IRF6: variants seen among roughly 807,000 people sequenced by gnomAD.
IRF6 encodes interferon regulatory factor 6, also known as Van der Woude syndrome.
In IRF6, 6 loss-of-function variants were observed where a neutral mutation model predicts 51.4. That is an observed-to-expected ratio of 0.12 (90% CI 0.06 to 0.23). IRF6 has a LOEUF of 0.23. IRF6 is among the 10% of genes least tolerant of loss of function. IRF6 has a pLI of 1.00. For synonymous variants in IRF6, 178 were observed against 215.7 expected (o/e 0.83, Z 1.53); for missense variants, 348 against 585.2 (o/e 0.59, Z 4.18).
rs962962360 is a variant in IRF6 at position 209,788,376 on chromosome 1, G to A, written c.*44C>T. ...ATCTAAACAATAAAAAAATCCATAT[G>A]TACAATATTATAAAAAAGAGAAGGA... is the stretch of plus-strand genomic sequence containing the variant. On this transcript the variant is annotated 3_prime_UTR_variant, in exon 9 of 9. Coordinates refer to ENST00000367021, the MANE Select transcript of IRF6 (RefSeq NM_006147.4). 7.8e-7 allele frequency: 1 copy of A among 1,274,604 alleles called. No homozygotes were observed. The highest frequency in any genetic ancestry group is 2.3e-5 in the East Asian group (1 of 43,300). 79.0% of individuals were successfully genotyped at this position (1,274,604 alleles called of 1,614,324 possible). A position where few individuals can be genotyped will look rare whatever the true frequency, so the allele number is the denominator to read the frequency against.
chr1:209,785,731 C>T lies in IRF6; in HGVS notation c.*2689G>A, dbSNP rs2102532193. 6.6e-6 allele frequency: 1 copy of T among 152,276 alleles called. No homozygotes were observed. The highest frequency in any genetic ancestry group is 1.9e-4 in the East Asian group (1 of 5,190). The allele number at this position is 152,276 out of a possible 1,614,324, so 9.4% of individuals were successfully genotyped here. Reference sequence around the variant, plus strand: ...TATTCCAGCAACAAATATTTGAGAACACACTGTGTCCCAGACACTGTTCTA... The same window carrying T: ...TATTCCAGCAACAAATATTTGAGAATACACTGTGTCCCAGACACTGTTCTA... On this transcript the variant is annotated 3_prime_UTR_variant, in exon 9 of 9. Coordinates refer to ENST00000367021, the MANE Select transcript of IRF6 (RefSeq NM_006147.4).
chr1:209,793,781 T>C (rs1190837179), intron 5 of IRF6, among the ~76,000 whole-genome samples: 1 of 152,228 alleles, frequency 6.6e-6, no homozygotes, highest in African/African-American at 2.4e-5. Context: ...CCATGTGTAC[T>C]CAATGTTTAG....
At chr1:209,789,427 C>A (rs2077855360) in intron 8 of IRF6, among the ~76,000 whole-genome samples, 1 of 151,120 alleles carries the variant, frequency 6.6e-6, no homozygotes, top group African/African-American at 2.4e-5. Context: ...GAGGTTTCAG[C>A]AAGACTCTAA....
Position 209,790,410 on chromosome 1 carries a change from G to C in IRF6, c.1060+85C>G, listed in dbSNP as rs150894558. The C allele has an allele frequency of 6.3e-4, 933 of 1,473,606 alleles. 7 individuals are homozygous for C. In the African/African-American group the frequency reaches 0.012, roughly 18 times the overall value. 91.3% of individuals were successfully genotyped at this position (1,473,606 alleles called of 1,614,324 possible). A position where few individuals can be genotyped will look rare whatever the true frequency, so the allele number is the denominator to read the frequency against. On this transcript the variant is annotated intron_variant, in intron 7 of 8. Coordinates refer to ENST00000367021, the MANE Select transcript of IRF6 (RefSeq NM_006147.4). The surrounding 1 kb of genome is among the most constrained non-coding windows in gnomAD (Gnocchi z 4.8). The stretch of plus-strand genomic sequence containing the variant: ...TTAAGATCTTTGCCATGCCAGGAAA[G>C]CAGGAAGGTGAAAGACAGGGATAGT...
intron 5 of IRF6, among the ~76,000 whole-genome samples, chr1:209,794,661 G>A (rs1290621880): frequency 2.0e-5 from 3 of 152,206 alleles, no homozygotes; most frequent in Non-Finnish European, 4.4e-5. Flanking sequence ...TGCAGAAAGA[G>A]CAATTCAACG....
At chr1:209,803,078 T>C (rs2077953560) in intron 1 of IRF6, among the ~76,000 whole-genome samples, 1 of 152,202 alleles carries the variant, frequency 6.6e-6, no homozygotes, top group South Asian at 2.1e-4. Context: ...TACCCCCATG[T>C]AGTTGGCCTT....
At position 209,790,720 on chromosome 1, in the gene IRF6, G is replaced by T. The variant is rs1330128538; in HGVS notation, c.835C>A (p.Pro279Thr). Residue 279 changes from proline (P) to threonine (T), a missense_variant, in exon 7 of 9, where the codon CCT becomes ACT. Pro to Thr is a conservative substitution (Grantham distance 38). Transcript: ENST00000367021. This position sits in a 1 kb window ranked among gnomAD's most constrained non-coding sequence, Gnocchi z 4.8. ...TGCTTCTCATTGGTAATATGCTCAGGACCTGGGAATTTGACCTGCTCCAGG... is the reference window on the plus strand; with the variant it reads ...TGCTTCTCATTGGTAATATGCTCAGTACCTGGGAATTTGACCTGCTCCAGG... ...VSLEQVKFPG[P>T]EHITNEKQKL... 1 of 1,614,144 alleles carries T rather than the reference G, an allele frequency of 6.2e-7. No individual in the cohort carries two copies. Among genetic ancestry groups the T allele is most frequent in the East Asian group, 2.2e-5 (1 of 44,880 alleles).
In IRF6 at chr1:209,788,355, A is replaced by G. The variant is rs1196280156; in HGVS notation, c.*65T>C. The G allele has an allele frequency of 4.5e-6, 5 of 1,110,322 alleles. No homozygotes were observed. The East Asian group carries it at 1.2e-4, about 27-fold the overall frequency. 68.8% of individuals were successfully genotyped at this position (1,110,322 alleles called of 1,614,324 possible). On this transcript the variant is annotated 3_prime_UTR_variant, in exon 9 of 9. Transcript: ENST00000367021. ...AGAGATTTAAAAGCTGGTTAAATCT[A>G]AACAATAAAAAAATCCATATGTACA...
At chr1:209,795,148 C>T (rs1050735916) in intron 5 of IRF6, 142 bp downstream of exon 5, 1 of 984,294 alleles carries the variant, frequency 1.0e-6, no homozygotes. Context: ...ACCTCTGACT[C>T]CCACTTGCTA....
chr1:209,797,489 C>T (rs1487374983), intron 3 of IRF6, among the ~76,000 whole-genome samples: 1 of 151,190 alleles, frequency 6.6e-6, no homozygotes, highest in Admixed American at 6.6e-5. Flanking sequence ...CCTAAAAAAT[C>T]CACACCCCTT....
In IRF6 at chr1:209,788,411, C is replaced by T. The variant is rs201838041; in HGVS notation, c.*9G>A. On this transcript the variant is annotated 3_prime_UTR_variant, in exon 9 of 9. Coordinates refer to ENST00000367021, the MANE Select transcript of IRF6 (RefSeq NM_006147.4). ...ATAAAAAAGAGAAGGAAGAAGATGG[C>T]ATTCACAATTACTGGGGAGGCAGGG... 2.6e-6 allele frequency: 4 copies of T among 1,531,220 alleles called. No individual in the cohort carries two copies. The East Asian group carries it at 9.0e-5, about 34-fold the overall frequency. 94.9% of individuals were successfully genotyped at this position (1,531,220 alleles called of 1,614,324 possible).
intron 5 of IRF6, among the ~76,000 whole-genome samples, chr1:209,794,144 A>G (rs758780841): frequency 1.3e-5 from 2 of 152,190 alleles, no homozygotes; most frequent in Non-Finnish European, 2.9e-5. Context: ...TTGAGAAATC[A>G]CCAAACTGCT....
At chr1:209,791,223 A>G (rs2077867152) in intron 6 of IRF6, among the ~76,000 whole-genome samples, 1 of 152,230 alleles carries the variant, frequency 6.6e-6, no homozygotes, top group Non-Finnish European at 1.5e-5. Flanking sequence ...GGAAGGAGCT[A>G]AAAACTAAGG....
Position 209,792,358 on chromosome 1 carries a change from G to A in IRF6, c.578C>T (p.Pro193Leu). The change falls in exon 6 of 9, where the codon CCC (proline) becomes CTC (leucine). Residue 193 changes from proline to leucine, a missense_variant. This residue lies in a region of IRF6 where 124 missense variants were observed against 141.6 expected (regional missense o/e 0.88). Transcript: ENST00000367021. ...TTCCATCTCCAGGGGTTCAGTTTTG[G>A]GCCACACTGCCTCCGGGCTGCAGTT... The part of the protein sequence containing the change: ...VGNCSPEAVW[P>L]KTEPLEMEVP... 1 of 1,614,172 alleles carries A rather than the reference G, an allele frequency of 6.2e-7. No individual in the cohort carries two copies. Among genetic ancestry groups the A allele is most frequent in the Non-Finnish European group, 8.5e-7 (1 of 1,180,026 alleles).
intron 5 of IRF6, among the ~76,000 whole-genome samples, chr1:209,794,535 T>G (rs1044369672): frequency 2.6e-5 from 4 of 152,218 alleles, no homozygotes; most frequent in Non-Finnish European, 4.4e-5. Flanking sequence ...TGGCACAAGT[T>G]ATCTCATTTT....
intron 5 of IRF6, among the ~76,000 whole-genome samples, chr1:209,793,637 G>A (rs539247333): frequency 5.9e-5 from 9 of 152,256 alleles, no homozygotes; most frequent in South Asian, 2.1e-4. Flanking sequence ...TACATGTCCC[G>A]GGGTTTGGTA....
At chr1:209,804,532 G>A (rs776517752) in intron 1 of IRF6, among the ~76,000 whole-genome samples, 14 of 152,100 alleles carry the variant, frequency 9.2e-5, no homozygotes, top group African/African-American at 1.9e-4. Context: ...AAATCCCAAC[G>A]CCTGAAGAAC....
In IRF6 at chr1:209,787,991, C is replaced by A. The variant is rs924824699; in HGVS notation, c.*429G>T. ...CAATGCAGAAGGATTCTGTTCCAGGCAGTTTAGCCTTGTACAAGTAGAAGA... is the reference window on the plus strand; with the variant it reads ...CAATGCAGAAGGATTCTGTTCCAGGAAGTTTAGCCTTGTACAAGTAGAAGA... On this transcript the variant is annotated 3_prime_UTR_variant, in exon 9 of 9. Coordinates refer to ENST00000367021, the MANE Select transcript of IRF6 (RefSeq NM_006147.4). 2 of 215,708 alleles carry A rather than the reference C, an allele frequency of 9.3e-6. No individual in the cohort carries two copies. The highest frequency in any genetic ancestry group is 1.1e-4 in the Admixed American group (2 of 18,970). 13.4% of individuals were successfully genotyped at this position (215,708 alleles called of 1,614,324 possible).
chr1:209,789,594 G>A, intron 8 of IRF6, 73 bp downstream of exon 8: 1 of 1,067,224 alleles, frequency 9.4e-7, no homozygotes, highest in South Asian at 1.3e-5. Context: ...CTTGATGAGG[G>A]CTCAACCCAG....
Sources: allele counts gnomAD v4.1 joint callset (sites outside exome capture counted in the v4.1 genomes callset), GRCh38; gene constraint gnomAD v4.1.1; regional missense constraint gnomAD v4.1.1; non-coding constraint Gnocchi (gnomAD v3.1); transcripts MANE v1.5; gene names NCBI Gene and HGNC (gene_info 2026-07-23, HGNC 2026-07-21).